Variants in KSR2 observed in about 807,000 individuals in gnomAD.
KSR2 encodes kinase suppressor of ras 2.
Under a neutral mutation model 107.8 loss-of-function variants are expected in KSR2, and 25 were observed. That is an observed-to-expected ratio of 0.23 (90% confidence interval 0.17 to 0.32). KSR2 has a LOEUF of 0.32. Among genes scored for constraint, KSR2 ranks in the 10% least tolerant of loss-of-function variants. KSR2 has a pLI of 1.00. For synonymous variants in KSR2, 480 were observed against 507.0 expected, an observed-to-expected ratio of 0.95 and a Z score of 0.71; for missense variants, 887 against 1,268.9, an observed-to-expected ratio of 0.70 and a Z score of 4.57.
At chr12:117,855,973 C>T (rs894533249) in intron 2 of KSR2, among the ~76,000 whole-genome samples, 1 of 152,130 alleles carries the variant, frequency 6.6e-6, no homozygotes, top group African/African-American at 2.4e-5. Context: ...TCTAAAATCC[C>T]AGCACAAACT....
At chr12:117,933,603 T>A (rs1033006863) in intron 1 of KSR2, among the ~76,000 whole-genome samples, 3 of 148,500 alleles carry the variant, frequency 2.0e-5, no homozygotes, top group Non-Finnish European at 4.5e-5. Flanking sequence ...AAAAAAAAAA[T>A]AAAGTATGCA....
At position 117,467,028 on chromosome 12, in the gene KSR2, C is replaced by T. The variant is rs1871178262; in HGVS notation, c.*171G>A. On this transcript the variant is annotated 3_prime_UTR_variant, in exon 20 of 20. Coordinates refer to ENST00000339824, the MANE Select transcript of KSR2 (RefSeq NM_173598.6). The stretch of plus-strand genomic sequence containing the variant: ...CCAACCCTGCCCGAGGAAAAGGGCT[C>T]AAGTCTGAGGTGCAGGGAGGCCGCC... 2 of 480,022 alleles carry T rather than the reference C, an allele frequency of 4.2e-6. No homozygotes were observed. The highest frequency in any genetic ancestry group is 1.0e-3 in the Middle Eastern group (2 of 1,906). The allele number at this position is 480,022 out of a possible 1,614,324, so 29.7% of individuals were successfully genotyped here.
chr12:117,589,712 T>A (rs1880209977), intron 5 of KSR2, among the ~76,000 whole-genome samples: 1 of 152,232 alleles, frequency 6.6e-6, no homozygotes, highest in Admixed American at 6.5e-5. Context: ...ATCATTCACA[T>A]AGCAGAGGAT....
At position 117,527,326 on chromosome 12, in the gene KSR2, GAC is replaced by G. The variant is rs752222461; in HGVS notation, c.1803-209_1803-208del. ...AGACACACACACACACACACACACAGACACACACACACACACACACAGACACA... is the reference window on the plus strand; with the variant it reads ...AGACACACACACACACACACACACAGACACACACACACACACACAGACACA... On this transcript the variant is annotated intron_variant, in intron 12 of 19. Transcript: ENST00000339824. 3.5e-3 allele frequency among the ~76,000 whole-genome samples: 248 copies of G among 71,460 alleles called. 4 individuals carry two copies. The highest frequency in any genetic ancestry group is 0.029 in the East Asian group (92 of 3,162). The allele number at this position is 71,460 out of a possible 152,430, so 46.9% of individuals were successfully genotyped here. A position where few individuals can be genotyped will look rare whatever the true frequency, so the allele number is the denominator to read the frequency against.
At chr12:117,589,990 C>T (rs1880226252) in intron 5 of KSR2, among the ~76,000 whole-genome samples, 1 of 152,156 alleles carries the variant, frequency 6.6e-6, no homozygotes, top group South Asian at 2.1e-4. Context: ...GGTTTCATGT[C>T]ATCGGGGAAG....
chr12:117,544,759 T>C (rs1235628074), intron 9 of KSR2, among the ~76,000 whole-genome samples: 1 of 152,238 alleles, frequency 6.6e-6, no homozygotes, highest in Non-Finnish European at 1.5e-5. Flanking sequence ...ATTCTCTACA[T>C]GGATGATGTC....
At chr12:117,467,288 G>C (rs2137107418) in intron 19 of KSR2, 83 bp from the exon 20 acceptor site, 1 of 606,940 alleles carries the variant, frequency 1.6e-6, no homozygotes, top group South Asian at 2.2e-5. Context: ...CACCCTCTCA[G>C]TGGGCCAGGT....
At position 117,483,387 on chromosome 12, in the gene KSR2, A is replaced by C. The variant is rs189689419; in HGVS notation, c.2450+1029T>G. On this transcript the variant is annotated intron_variant, in intron 16 of 19. Coordinates refer to ENST00000339824, the MANE Select transcript of KSR2 (RefSeq NM_173598.6). ...TCCTCAAAAAAATAAAAAAATAAATAAATAAAATAAAAAAAAATCAGTGGT... is the reference window on the plus strand; with the variant it reads ...TCCTCAAAAAAATAAAAAAATAAATCAATAAAATAAAAAAAAATCAGTGGT... Among the ~76,000 whole-genome samples the C allele has an allele frequency of 1.3e-5, 2 of 152,106 alleles. 1 individual carries two copies. Among genetic ancestry groups the C allele is most frequent in the Admixed American group, 1.3e-4 (2 of 15,302 alleles).
intron 1 of KSR2, among the ~76,000 whole-genome samples, chr12:117,947,968 C>T (rs1566095084): frequency 2.0e-5 from 3 of 151,940 alleles, no homozygotes; most frequent in African/African-American, 4.8e-5. Flanking sequence ...AGTTGAGAGA[C>T]AGATTTAATG....
chr12:117,539,805 G>GT lies in KSR2; in HGVS notation c.1600_1601insA (p.Pro534HisfsTer6). On this transcript the variant is annotated frameshift_variant, in exon 10 of 20. Transcript: ENST00000339824. LOFTEE classifies it high-confidence loss of function. The stretch of plus-strand genomic sequence containing the variant: ...CGGCGTGGCACTAGGAGGGAGGGGG[G>GT]GTGCTGGCGAGGAGGGCGTGGAGGA... The GT allele has an allele frequency of 6.2e-7, 1 of 1,608,860 alleles. No homozygotes were observed. Among genetic ancestry groups the GT allele is most frequent in the Non-Finnish European group, 8.5e-7 (1 of 1,178,066 alleles).
chr12:117,849,219 C>T (rs867678240), intron 3 of KSR2, among the ~76,000 whole-genome samples: 7 of 152,108 alleles, frequency 4.6e-5, no homozygotes, highest in East Asian at 1.9e-4. Flanking sequence ...GCCTGCTGCA[C>T]GTCTTCTTTA....
intron 5 of KSR2, among the ~76,000 whole-genome samples, chr12:117,609,770 G>A (rs1020935080): frequency 6.6e-6 from 1 of 152,142 alleles, no homozygotes; most frequent in African/African-American, 2.4e-5. Flanking sequence ...GGATGGTGCT[G>A]GGCATTGTAA....
intron 3 of KSR2, among the ~76,000 whole-genome samples, chr12:117,768,448 C>G (rs866861172): frequency 1.3e-5 from 2 of 152,206 alleles, no homozygotes; most frequent in Admixed American, 6.5e-5. Flanking sequence ...ACCTGCCACT[C>G]CTGTCCATGT....
At chr12:117,946,412 C>T (rs1206724796) in intron 1 of KSR2, among the ~76,000 whole-genome samples, 1 of 151,990 alleles carries the variant, frequency 6.6e-6, no homozygotes, top group East Asian at 1.9e-4. Flanking sequence ...TCACCATAGA[C>T]CCCGTGACGT....
intron 5 of KSR2, among the ~76,000 whole-genome samples, chr12:117,595,553 C>A (rs538423232): frequency 6.6e-6 from 1 of 151,750 alleles, no homozygotes; most frequent in African/African-American, 2.4e-5. Context: ...TTAGTAGAGA[C>A]GGGGTTTCAC....
Position 117,897,962 on chromosome 12 carries a change from C to T in KSR2, c.181-37531G>A, listed in dbSNP as rs1894564911. 6.6e-6 allele frequency among the ~76,000 whole-genome samples: 1 copy of T among 152,024 alleles called. No individual in the cohort carries two copies. The highest frequency in any genetic ancestry group is 2.4e-5 in the African/African-American group (1 of 41,380). On this transcript the variant is annotated intron_variant, in intron 1 of 19. Coordinates refer to ENST00000339824, the MANE Select transcript of KSR2 (RefSeq NM_173598.6). The surrounding 1 kb of genome is among the most constrained non-coding windows in gnomAD (Gnocchi z 4.5). ...GTGCACTCATACACGTACACACACA[C>T]AGTCATATGGTATACTCTATCAGCA...
At chr12:117,578,879 T>C (rs149163784) in intron 7 of KSR2, among the ~76,000 whole-genome samples, 139 of 152,328 alleles carry the variant, frequency 9.1e-4, no homozygotes, top group Middle Eastern at 6.8e-3. Context: ...TCACTGTGCC[T>C]CAGCACACAG....
intron 16 of KSR2, among the ~76,000 whole-genome samples, chr12:117,480,382 G>A (rs762976402): frequency 5.3e-5 from 8 of 152,146 alleles, no homozygotes; most frequent in East Asian, 1.9e-4. Context: ...GGGGTGCCCC[G>A]TTCCCATGGC....
At position 117,453,308 on chromosome 12, in the gene KSR2, C is replaced by T. The variant is rs1186762103; in HGVS notation, c.*13891G>A. On this transcript the variant is annotated 3_prime_UTR_variant, in exon 20 of 20. Transcript: ENST00000339824. ...TGAATAGAGTGTTCCTTCTCAGCAA[C>T]AAGACATTGGCAACAAGTGAGAAAG... 1.3e-5 allele frequency: 2 copies of T among 152,470 alleles called. No homozygotes were observed. Among genetic ancestry groups the T allele is most frequent in the African/African-American group, 4.8e-5 (2 of 41,400 alleles). The allele number at this position is 152,470 out of a possible 1,614,324, so 9.4% of individuals were successfully genotyped here.
Sources: allele counts gnomAD v4.1 joint callset (sites outside exome capture counted in the v4.1 genomes callset), GRCh38; gene constraint gnomAD v4.1.1; non-coding constraint Gnocchi (gnomAD v3.1); transcripts MANE v1.5; gene names NCBI Gene and HGNC (gene_info 2026-07-23, HGNC 2026-07-21).